LIMA1: variants seen among roughly 807,000 people sequenced by gnomAD.
The protein encoded by LIMA1 is LIM domain and actin-binding protein 1.
LIMA1 carries 52 observed loss-of-function variants against 62.6 expected under a neutral mutation model. That is an observed-to-expected ratio of 0.83 (90% CI 0.67 to 1.05). LIMA1 has a LOEUF of 1.05. LIMA1 is among the 50% of genes least tolerant of loss of function. The pLI is 0.00. For synonymous variants in LIMA1, 302 were observed against 317.8 expected, an observed-to-expected ratio of 0.95 and a Z score of 0.53; for missense variants, 780 against 902.2, an observed-to-expected ratio of 0.86 and a Z score of 1.74.
At chr12:50,225,068 A>G (rs566700463) in intron 3 of LIMA1, among the ~76,000 whole-genome samples, 111 of 151,504 alleles carry the variant, frequency 7.3e-4, no homozygotes, top group African/African-American at 2.3e-3. Flanking sequence ...ATACCTGGCT[A>G]ATTTTGTATT....
In LIMA1 at chr12:50,231,572, C is replaced by T. The variant is rs911464631; in HGVS notation, c.165+93G>A. On this transcript the variant is annotated intron_variant, in intron 3 of 10. Transcript: ENST00000341247. ...CTGGCACAAATGTCCACTCAGCTGA[C>T]ATAGAACCCAAGCCCCACAGAGGCT... is the stretch of plus-strand genomic sequence containing the variant. The T allele has an allele frequency of 3.5e-5, 40 of 1,139,938 alleles. 2 individuals carry two copies. Among genetic ancestry groups the T allele is most frequent in the South Asian group, 2.8e-4 (23 of 80,934 alleles). The allele number at this position is 1,139,938 out of a possible 1,614,324, so 70.6% of individuals were successfully genotyped here.
In LIMA1 at chr12:50,175,799, A is replaced by G. The variant is rs773745504; in HGVS notation, c.*1265T>C. The G allele has an allele frequency of 6.6e-6, 1 of 152,242 alleles. No homozygotes were observed. Among genetic ancestry groups the G allele is most frequent in the African/African-American group, 2.4e-5 (1 of 41,468 alleles). The allele number at this position is 152,242 out of a possible 1,614,324, so 9.4% of individuals were successfully genotyped here. ...GAAACATTGAAAAGTTCAAATTTTA[A>G]TTAAAATCTTTATTGAATAAAAATG... On this transcript the variant is annotated 3_prime_UTR_variant, in exon 11 of 11. Transcript: ENST00000341247.
intron 8 of LIMA1, among the ~76,000 whole-genome samples, chr12:50,193,593 GATATATATATACA>G (rs1565833298): frequency 5.9e-5 from 3 of 50,992 alleles, no homozygotes; most frequent in East Asian, 7.7e-4. Flanking sequence ...ATGTATATAT[GATATATATATACA>G]TGTATATATA....
chr12:50,185,130 C>T lies in LIMA1; in HGVS notation c.1141-3093G>A, dbSNP rs189002578. ...CAGGTGTGAGCCACTGCGCCTGGCC[C>T]GGAATTCTGTATTTTTTAACACTTG... On this transcript the variant is annotated intron_variant, in intron 9 of 10. Coordinates refer to ENST00000341247, the MANE Select transcript of LIMA1 (RefSeq NM_016357.5). 2.5e-4 allele frequency among the ~76,000 whole-genome samples: 38 copies of T among 152,094 alleles called. No homozygotes were observed. The East Asian group carries it at 6.6e-3, about 26-fold the overall frequency.
chr12:50,226,710 G>T (rs910589056), intron 3 of LIMA1, among the ~76,000 whole-genome samples: 1 of 151,834 alleles, frequency 6.6e-6, no homozygotes, highest in African/African-American at 2.4e-5. Context: ...GTGGTGGCGT[G>T]CGCCTGTAAT....
At chr12:50,270,599 T>TCC (rs1364239005) in intron 1 of LIMA1, among the ~76,000 whole-genome samples, 1 of 94,698 alleles carries the variant, frequency 1.1e-5, no homozygotes, top group Non-Finnish European at 1.9e-5. Context: ...AGTGAGACCT[T>TCC]ATCTCAAAAA....
chr12:50,192,150 GATAATA>G (rs1201018284), intron 9 of LIMA1, among the ~76,000 whole-genome samples: 4 of 147,432 alleles, frequency 2.7e-5, no homozygotes, highest in East Asian at 2.0e-4. Context: ...AAAAAAAAAA[GATAATA>G]ATAATAAATA....
At chr12:50,210,453 A>C (rs1162252457) in intron 4 of LIMA1, among the ~76,000 whole-genome samples, 4 of 151,952 alleles carry the variant, frequency 2.6e-5, no homozygotes, top group Non-Finnish European at 4.4e-5. Context: ...AGAAAAGAAC[A>C]ACCAAAAGGA....
chr12:50,216,697 C>T (rs1941351159), intron 4 of LIMA1, among the ~76,000 whole-genome samples: 2 of 151,912 alleles, frequency 1.3e-5, no homozygotes. Flanking sequence ...CCCATCTCTA[C>T]TAAAAATACA....
At chr12:50,222,769 T>C (rs1941469691) in intron 3 of LIMA1, 1 of 1,036,702 alleles carries the variant, frequency 9.6e-7, no homozygotes, top group Non-Finnish European at 1.3e-6. Flanking sequence ...GCTCTAATGA[T>C]AGTTACATGC....
At position 50,177,096 on chromosome 12, in the gene LIMA1, G is replaced by A. The variant is rs766724186; in HGVS notation, c.2248C>T (p.Arg750Trp). Residue 750 changes from arginine (R) to tryptophan (W), a missense_variant, in exon 11 of 11, where the codon CGG becomes TGG. Physicochemically the swap from Arg to Trp is moderately radical, Grantham distance 101. Coordinates refer to ENST00000341247, the MANE Select transcript of LIMA1 (RefSeq NM_016357.5). ...LSVEEQIKRN[R>W]YYDEDEDEE ...TCATCCTCATCCTCATCATAATACC[G>A]ATTTCTCTTTATCTGTTCTTCCACA... The A allele has an allele frequency of 7.5e-6, 12 of 1,594,208 alleles. No individual in the cohort carries two copies. The highest frequency in any genetic ancestry group is 6.7e-5 in the East Asian group (3 of 44,700).
chr12:50,211,615 A>C (rs1024586043), intron 4 of LIMA1, among the ~76,000 whole-genome samples: 1 of 152,178 alleles, frequency 6.6e-6, no homozygotes, highest in African/African-American at 2.4e-5. Flanking sequence ...CCGGCACTCC[A>C]GCCTGGACGA....
intron 10 of LIMA1, among the ~76,000 whole-genome samples, chr12:50,181,488 G>C (rs1290135708): frequency 6.6e-6 from 1 of 152,156 alleles, no homozygotes. Context: ...AGGCAACATA[G>C]AGAAAAAGAC....
intron 4 of LIMA1, among the ~76,000 whole-genome samples, chr12:50,212,548 T>C (rs954620285): frequency 2.6e-4 from 40 of 152,152 alleles, no homozygotes; most frequent in African/African-American, 7.5e-4. Flanking sequence ...TTTCTCTACA[T>C]TTTTTGTATT....
intron 7 of LIMA1, among the ~76,000 whole-genome samples, chr12:50,196,966 G>A (rs1940942629): frequency 6.6e-6 from 1 of 152,006 alleles, no homozygotes; most frequent in Non-Finnish European, 1.5e-5. Context: ...AGTTGTGCAT[G>A]CCTACAAAAA....
chr12:50,200,642 T>C lies in LIMA1; in HGVS notation c.972+135A>G, dbSNP rs1231618573. ...ACTGAAATTATGTGACCTGCAAAAA[T>C]GGCAATCTGTCCTGGCAGCTGTTAC... On this transcript the variant is annotated intron_variant, in intron 7 of 10. Coordinates refer to ENST00000341247, the MANE Select transcript of LIMA1 (RefSeq NM_016357.5). 1.1e-5 allele frequency: 10 copies of C among 914,394 alleles called. No homozygotes were observed. The East Asian group carries it at 1.5e-4, about 13-fold the overall frequency. 56.6% of individuals were successfully genotyped at this position (914,394 alleles called of 1,614,324 possible). A position where few individuals can be genotyped will look rare whatever the true frequency, so the allele number is the denominator to read the frequency against.
At chr12:50,239,958 C>T (rs1941750160) in intron 2 of LIMA1, among the ~76,000 whole-genome samples, 1 of 151,986 alleles carries the variant, frequency 6.6e-6, no homozygotes, top group African/African-American at 2.4e-5. Flanking sequence ...GGCGCCACTG[C>T]ACTCCAGCCT....
intron 1 of LIMA1, among the ~76,000 whole-genome samples, chr12:50,263,861 A>G (rs1192337381): frequency 8.0e-6 from 1 of 125,772 alleles, no homozygotes; most frequent in Non-Finnish European, 1.6e-5. Context: ...TAGAGAGTAT[A>G]TATATATATA....
At chr12:50,282,168 T>C (rs1212508617) in intron 1 of LIMA1, among the ~76,000 whole-genome samples, 4 of 152,202 alleles carry the variant, frequency 2.6e-5, no homozygotes, top group Non-Finnish European at 5.9e-5. Flanking sequence ...TAAAACGTGA[T>C]CATCCTGCAC....
Sources: allele counts gnomAD v4.1 joint callset (sites outside exome capture counted in the v4.1 genomes callset), GRCh38; gene constraint gnomAD v4.1.1; transcripts MANE v1.5; gene names NCBI Gene and HGNC (gene_info 2026-07-23, HGNC 2026-07-21).